CNTN1: variants seen among roughly 807,000 people sequenced by gnomAD.
CNTN1 encodes contactin-1.
A neutral mutation model predicts 126.4 loss-of-function variants in CNTN1; 38 were observed. That is an observed-to-expected ratio of 0.30 (90% CI 0.23 to 0.39). The LOEUF (loss-of-function observed/expected upper bound fraction) is 0.39. Among genes scored for constraint, CNTN1 ranks in the 10% least tolerant of loss-of-function variants. CNTN1 has a pLI of 1.00. For synonymous variants in CNTN1, 413 were observed against 422.6 expected (o/e 0.98, Z 0.28); for missense variants, 1,009 against 1,248.4 (o/e 0.81, Z 2.89).
chr12:40,717,024 CAA>C (rs1232636237), intron 1 of CNTN1, among the ~76,000 whole-genome samples: 1 of 152,052 alleles, frequency 6.6e-6, no homozygotes, highest in Non-Finnish European at 1.5e-5. Flanking sequence ...TAGATGTGTA[CAA>C]AGTCTTTTGT....
intron 1 of CNTN1, among the ~76,000 whole-genome samples, chr12:40,731,681 A>G (rs552519824): frequency 6.6e-6 from 1 of 152,070 alleles, no homozygotes; most frequent in South Asian, 2.1e-4. Context: ...TAATTTCAGT[A>G]TTCAACTGCA....
chr12:41,057,728 T>C (rs1473312412), intron 23 of CNTN1, among the ~76,000 whole-genome samples: 1 of 152,124 alleles, frequency 6.6e-6, no homozygotes, highest in African/African-American at 2.4e-5. Context: ...ATTAAGTTTG[T>C]GGTCTTTGCT....
Position 41,029,190 on chromosome 12 carries a change from A to G in CNTN1, c.2951A>G (p.Asp984Gly). Reference sequence around the variant, plus strand: ...GTTCGCGCGCACAGTGATGGAGGAGATGGAGTGGTGTCTCAAGTCAAAATT... The same window carrying G: ...GTTCGCGCGCACAGTGATGGAGGAGGTGGAGTGGTGTCTCAAGTCAAAATT... The part of the protein sequence containing the change: ...VEVRAHSDGG[D>G]GVVSQVKISG... Residue 984 changes from aspartate to glycine, a missense_variant, in exon 23 of 24, where the codon GAT (aspartate) becomes GGT (glycine). Physicochemically the swap from Asp to Gly is moderately conservative, Grantham distance 94. Coordinates refer to ENST00000551295, the MANE Select transcript of CNTN1 (RefSeq NM_001843.4). The G allele has an allele frequency of 1.2e-6, 2 of 1,614,066 alleles. No individual in the cohort carries two copies. Among genetic ancestry groups the G allele is most frequent in the African/African-American group, 1.3e-5 (1 of 75,024 alleles).
chr12:40,781,767 C>G (rs1305570653), intron 1 of CNTN1, among the ~76,000 whole-genome samples: 1 of 151,968 alleles, frequency 6.6e-6, no homozygotes, highest in Non-Finnish European at 1.5e-5. Context: ...TGTGTGTACA[C>G]TGTGTCTTCT....
intron 3 of CNTN1, among the ~76,000 whole-genome samples, chr12:40,912,108 A>T (rs1415816909): frequency 6.6e-6 from 1 of 152,252 alleles, no homozygotes; most frequent in African/African-American, 2.4e-5. Context: ...TAGTGTTCAA[A>T]TATATGTATT....
intron 17 of CNTN1, among the ~76,000 whole-genome samples, chr12:41,001,534 C>G (rs898011627): frequency 6.6e-6 from 1 of 151,910 alleles, no homozygotes; most frequent in Non-Finnish European, 1.5e-5. Context: ...AAATTTTTTT[C>G]CCATTCTCTA....
chr12:40,695,567 A>T (rs1591981093), intron 1 of CNTN1, among the ~76,000 whole-genome samples: 1 of 152,186 alleles, frequency 6.6e-6, no homozygotes, highest in Non-Finnish European at 1.5e-5. Context: ...TTCTACATGT[A>T]AATTGGCCAT....
intron 1 of CNTN1, among the ~76,000 whole-genome samples, chr12:40,835,388 AC>A (rs1254227059): frequency 1.3e-5 from 2 of 152,158 alleles, no homozygotes; most frequent in African/African-American, 4.8e-5. Context: ...ATTCTGATTG[AC>A]CTTCAGATAA....
chr12:40,886,509 T>C (rs1944035766), intron 1 of CNTN1, among the ~76,000 whole-genome samples: 1 of 152,100 alleles, frequency 6.6e-6, no homozygotes, highest in Admixed American at 6.6e-5. Flanking sequence ...TTCTCCCATC[T>C]TGTAGGTTGC....
intron 1 of CNTN1, among the ~76,000 whole-genome samples, chr12:40,766,007 G>A (rs1447023877): frequency 6.6e-6 from 1 of 152,158 alleles, no homozygotes; most frequent in African/African-American, 2.4e-5. Context: ...AAACTAAGAG[G>A]AGGAAAGACT....
At chr12:40,735,276 T>G (rs537657915) in intron 1 of CNTN1, among the ~76,000 whole-genome samples, 1 of 152,250 alleles carries the variant, frequency 6.6e-6, no homozygotes, top group East Asian at 1.9e-4. Context: ...TTTAGTACTC[T>G]TATTTAGAAG....
chr12:40,707,291 C>G (rs1941792665), intron 1 of CNTN1, among the ~76,000 whole-genome samples: 1 of 128,642 alleles, frequency 7.8e-6, no homozygotes, highest in Non-Finnish European at 1.5e-5. Context: ...CTCCATCGCC[C>G]AGGCTGGAGT....
intron 23 of CNTN1, among the ~76,000 whole-genome samples, chr12:41,059,923 G>A (rs1320183388): frequency 6.6e-6 from 1 of 152,084 alleles, no homozygotes; most frequent in African/African-American, 2.4e-5. Flanking sequence ...CTACTCAGAA[G>A]GCTGAAGTGA....
intron 1 of CNTN1, among the ~76,000 whole-genome samples, chr12:40,821,278 G>T (rs1055403823): frequency 2.0e-5 from 3 of 152,184 alleles, no homozygotes; most frequent in Non-Finnish European, 4.4e-5. Context: ...GGTATCCAAA[G>T]CTATTTGGTG....
intron 1 of CNTN1, among the ~76,000 whole-genome samples, chr12:40,820,085 G>T (rs939955111): frequency 1.3e-5 from 2 of 152,232 alleles, no homozygotes; most frequent in Non-Finnish European, 2.9e-5. Flanking sequence ...GGCACTAGCA[G>T]CTGCATCTGG....
intron 1 of CNTN1, among the ~76,000 whole-genome samples, chr12:40,793,399 C>A (rs1490199942): frequency 6.6e-6 from 1 of 150,906 alleles, no homozygotes; most frequent in East Asian, 1.9e-4. Flanking sequence ...AGTGTCCCAG[C>A]TAAGAACCTA....
Position 40,933,442 on chromosome 12 carries a change from G to A in CNTN1, c.704-19G>A, listed in dbSNP as rs1426291287. ...TGTGCCTAATAATTAGTGGATATTT[G>A]TGTTTCTCTTAATATTAGGAACAAC... On this transcript the variant is annotated intron_variant, in intron 7 of 23. Transcript: ENST00000551295. 21 of 1,457,366 alleles carry A rather than the reference G, an allele frequency of 1.4e-5. No individual in the cohort carries two copies. The highest frequency in any genetic ancestry group is 2.0e-5 in the Non-Finnish European group (21 of 1,037,704). 90.3% of individuals were successfully genotyped at this position (1,457,366 alleles called of 1,614,324 possible). A position where few individuals can be genotyped will look rare whatever the true frequency, so the allele number is the denominator to read the frequency against.
At chr12:40,731,489 C>G (rs1028591823) in intron 1 of CNTN1, among the ~76,000 whole-genome samples, 2 of 151,840 alleles carry the variant, frequency 1.3e-5, no homozygotes, top group Non-Finnish European at 2.9e-5. Context: ...GCAAAAAATC[C>G]TCAGCACAAT....
At chr12:40,820,700 A>C (rs558363546) in intron 1 of CNTN1, among the ~76,000 whole-genome samples, 2 of 152,112 alleles carry the variant, frequency 1.3e-5, no homozygotes, top group Non-Finnish European at 1.5e-5. Flanking sequence ...TGGTGACCTC[A>C]GTGGTGAAAG....
Sources: gnomAD v4.1 joint callset for allele counts (sites outside exome capture counted in the v4.1 genomes callset) on GRCh38, gnomAD v4.1.1 for gene constraint, MANE v1.5 for transcripts, NCBI Gene and HGNC (gene_info 2026-07-23, HGNC 2026-07-21) for gene names.